TUG1: variants seen among roughly 807,000 people sequenced by gnomAD.
TUG1 encodes taurine upregulated gene 1.
intron 1 of TUG1, 77 bp downstream of exon 1, chr22:30,971,856 C>T (rs1002367208): frequency 4.6e-5 from 7 of 152,266 alleles, no homozygotes; most frequent in African/African-American, 1.7e-4. Context: ...TACTTTGGAA[C>T]TGCTGCTCTG....
chr22:30,979,277 T>C (rs919144261), exon 3 of TUG1: 3 of 152,210 alleles, frequency 2.0e-5, no homozygotes, highest in Non-Finnish European at 4.4e-5. Context: ...TATTCACAGC[T>C]TTCTTTGAAC....
rs1352737472 is a variant in TUG1 at position 30,977,298 on chromosome 22, AGAT to A, written c.*4827_*4829del. Reference sequence around the variant, plus strand: ...AATCTGAGGCCTTGACTTGCTTGTAAGATGATTCTCAGAGATCGGCTGAGTTAA... The same window carrying A: ...AATCTGAGGCCTTGACTTGCTTGTAAGATTCTCAGAGATCGGCTGAGTTAA... On this transcript the variant is annotated 3_prime_UTR_variant, in exon 3 of 3. Coordinates refer to ENST00000644773, the Ensembl canonical transcript of TUG1. The A allele has an allele frequency of 2.0e-5, 3 of 152,314 alleles. No individual in the cohort carries two copies. In the East Asian group the frequency reaches 5.8e-4, roughly 29 times the overall value. 9.4% of individuals were successfully genotyped at this position (152,314 alleles called of 1,614,324 possible).
At chr22:30,972,373 C>CTTAA (rs1054021904) in intron 1 of TUG1, 1 of 152,082 alleles carries the variant, frequency 6.6e-6, no homozygotes, top group Non-Finnish European at 1.5e-5. Flanking sequence ...TTTTCTCCTA[C>CTTAA]TTAAGATGGA....
At chr22:30,971,139 G>A (rs2041225409) in exon 1 of TUG1, 1 of 152,186 alleles carries the variant, frequency 6.6e-6, no homozygotes, top group African/African-American at 2.4e-5. Context: ...ACAGCCCTAA[G>A]CAAGTGAACA....
exon 3 of TUG1, chr22:30,977,855 C>G (rs975404416): frequency 6.6e-6 from 1 of 152,302 alleles, no homozygotes; most frequent in Middle Eastern, 3.4e-3. Context: ...CAGGAAGGAC[C>G]ATTGCTGCAT....
At chr22:30,974,675 G>A (rs538010878) in intron 2 of TUG1, 1 of 152,240 alleles carries the variant, frequency 6.6e-6, no homozygotes, top group East Asian at 1.9e-4. Flanking sequence ...TGTATGGGGA[G>A]ACATAGGAAA....
At chr22:30,971,125 T>C (rs1285220283) in exon 1 of TUG1, 1 of 152,222 alleles carries the variant, frequency 6.6e-6, no homozygotes, top group Non-Finnish European at 1.5e-5. Flanking sequence ...GCTCACCAAG[T>C]GGTACAGCCC....
At chr22:30,974,855 GATTT>G in intron 2 of TUG1, 1 of 152,196 alleles carries the variant, frequency 6.6e-6, no homozygotes, top group East Asian at 1.9e-4. Flanking sequence ...ATTTTCTTGA[GATTT>G]ATCTCCTTGA....
chr22:30,971,605 C>T (rs2041231069), exon 1 of TUG1: 1 of 152,734 alleles, frequency 6.5e-6, no homozygotes, highest in Non-Finnish European at 1.5e-5. Context: ...GGCAGGAACA[C>T]TGGAGGTAGA....
At chr22:30,972,629 C>G (rs1028451889) in intron 1 of TUG1, 2 of 152,588 alleles carry the variant, frequency 1.3e-5, no homozygotes, top group Non-Finnish European at 2.9e-5. Context: ...TGTGCTGCTT[C>G]GCGAGACAGT....
chr22:30,973,432 G>T (rs959619311), exon 2 of TUG1: 1 of 152,110 alleles, frequency 6.6e-6, no homozygotes, highest in African/African-American at 2.4e-5. Flanking sequence ...TCAAATCAAA[G>T]GCACAGTGAA....
intron 2 of TUG1, chr22:30,974,347 G>GAAAAAAAAAA (rs3986065): frequency 7.5e-6 from 1 of 132,572 alleles, no homozygotes. Context: ...TCAGAAGTCT[G>GAAAAAAAAAA]AAAAAAAAAA....
At position 30,970,603 on chromosome 22, in the gene TUG1, T is replaced by C. The variant is rs2041218004; in HGVS notation, c.*785T>C. 3 of 152,418 alleles carry C rather than the reference T, an allele frequency of 2.0e-5. 1 individual carries two copies. In the South Asian group the frequency reaches 6.2e-4, roughly 32 times the overall value. 9.4% of individuals were successfully genotyped at this position (152,418 alleles called of 1,614,324 possible). A position where few individuals can be genotyped will look rare whatever the true frequency, so the allele number is the denominator to read the frequency against. ...CAACTCTGTTATCTGCTGCTTGTAC[T>C]GGTGCCTGTACTTTTCTGACTCTCA... On this transcript the variant is annotated 3_prime_UTR_variant, in exon 1 of 3. Transcript: ENST00000644773.
exon 1 of TUG1, chr22:30,971,644 G>C (rs1402522061): frequency 6.5e-6 from 1 of 153,070 alleles, no homozygotes; most frequent in African/African-American, 2.4e-5. Flanking sequence ...TTTTGGGACT[G>C]TTGACCTTGC....
exon 3 of TUG1, chr22:30,977,591 T>G (rs1936641832): frequency 6.6e-6 from 1 of 152,330 alleles, no homozygotes; most frequent in Non-Finnish European, 1.5e-5. Context: ...GAGTAAAAAC[T>G]AATTTACAGA....
At chr22:30,970,653 T>G (rs540704293) in exon 1 of TUG1, 77 of 152,326 alleles carry the variant, frequency 5.1e-4, no homozygotes, top group Non-Finnish European at 7.8e-4. Flanking sequence ...CGACCATGGT[T>G]GTCATCCATT....
chr22:30,972,167 C>T (rs754238121), intron 1 of TUG1: 1 of 152,146 alleles, frequency 6.6e-6, no homozygotes, highest in Non-Finnish European at 1.5e-5. Context: ...TCAGAATAAC[C>T]ACTCAGTAAG....
At chr22:30,972,202 A>G (rs1377972509) in intron 1 of TUG1, 1 of 152,214 alleles carries the variant, frequency 6.6e-6, no homozygotes, top group East Asian at 1.9e-4. Flanking sequence ...CTATGTGATA[A>G]CTTACATTAC....
chr22:30,970,908 T>G (rs1243110444), exon 1 of TUG1: 2 of 152,208 alleles, frequency 1.3e-5, no homozygotes, highest in East Asian at 3.8e-4. Flanking sequence ...ATCAGTAGAT[T>G]TGGAAGTGAT....
Sources: allele counts gnomAD v4.1 joint callset, GRCh38; gene constraint gnomAD v4.1.1; transcripts MANE v1.5; gene names NCBI Gene and HGNC (gene_info 2026-07-23, HGNC 2026-07-21).